The following PCDHGA2 variants were observed in gnomAD, a reference collection of about 807,000 sequenced individuals.
PCDHGA2 encodes protocadherin gamma subfamily A, 2.
A neutral mutation model predicts 59.2 loss-of-function variants in PCDHGA2; 40 were observed. That is an observed-to-expected ratio of 0.68 (90% CI 0.52 to 0.88). The LOEUF (loss-of-function observed/expected upper bound fraction) is 0.88, where lower values mean the gene tolerates loss of function less well. Among genes scored for constraint, PCDHGA2 ranks in the 40% least tolerant of loss-of-function variants. PCDHGA2 has a pLI of 0.00. For synonymous variants in PCDHGA2, 560 were observed against 526.0 expected (o/e 1.06, Z -0.89); for missense variants, 1,226 against 1,204.0 (o/e 1.02, Z -0.27).
intron 1 of PCDHGA2, chr5:141,389,522 G>A: frequency 6.2e-7 from 1 of 1,613,178 alleles, no homozygotes; most frequent in Non-Finnish European, 8.5e-7. Context: ...ACGTGAGCCT[G>A]CGCGTGTTAG....
chr5:141,396,525 C>T (rs2093390810), intron 1 of PCDHGA2: 1 of 151,326 alleles, frequency 6.6e-6, no homozygotes, highest in Non-Finnish European at 1.5e-5. Context: ...GAGGCTGAGG[C>T]AGAAGAATCA....
In PCDHGA2 at chr5:141,486,600, C is replaced by G. The variant is rs748395954; in HGVS notation, c.2425-8207C>G. Reference sequence around the variant, plus strand: ...AATCGCCCAGGGGACCTGCTTTGCTCCCTTGCAGCCTCTGACCCAGACTCT... The same window carrying G: ...AATCGCCCAGGGGACCTGCTTTGCTGCCTTGCAGCCTCTGACCCAGACTCT... On this transcript the variant is annotated intron_variant, in intron 1 of 3. Transcript: ENST00000394576. This position sits in a 1 kb window ranked among gnomAD's most constrained non-coding sequence, Gnocchi z 5.0. 21 of 1,613,602 alleles carry G rather than the reference C, an allele frequency of 1.3e-5. No individual in the cohort carries two copies. Among genetic ancestry groups the G allele is most frequent in the South Asian group, 2.2e-5 (2 of 91,086 alleles).
Position 141,340,493 on chromosome 5 carries a change from A to T in PCDHGA2, c.1522A>T (p.Asn508Tyr). Reference sequence around the variant, plus strand: ...ACCCTTATCCTCTTACATCTCTATCAACTCCGACACTGGAGTACTCTATGC... The same window carrying T: ...ACCCTTATCCTCTTACATCTCTATCTACTCCGACACTGGAGTACTCTATGC... The part of the protein sequence containing the change: ...GAPLSSYISI[N>Y]SDTGVLYALR... Residue 508 changes from asparagine (N) to tyrosine (Y), a missense_variant, in exon 1 of 4, where the codon AAC (asparagine) becomes TAC (tyrosine). Transcript: ENST00000394576. The T allele has an allele frequency of 6.2e-7, 1 of 1,614,098 alleles. No homozygotes were observed. Among genetic ancestry groups the T allele is most frequent in the Non-Finnish European group, 8.5e-7 (1 of 1,180,024 alleles).
At chr5:141,348,735 A>G (rs1486857754) in intron 1 of PCDHGA2, among the ~76,000 whole-genome samples, 1 of 152,224 alleles carries the variant, frequency 6.6e-6, no homozygotes, top group Non-Finnish European at 1.5e-5. Flanking sequence ...GGAGAAGTTC[A>G]TAGTAAAAGG....
Position 141,511,151 on chromosome 5 carries a change from C to T in PCDHGA2, c.2777C>T (p.Ser926Leu), listed in dbSNP as rs202071188. The T allele has an allele frequency of 3.0e-5, 49 of 1,614,152 alleles. No individual in the cohort carries two copies. The highest frequency in any genetic ancestry group is 2.6e-4 in the South Asian group (24 of 91,066). The change falls in exon 4 of 4, where the codon TCG becomes TTG. Residue 926 changes from serine (S) to leucine (L), a missense_variant. Ser to Leu is a moderately radical substitution (Grantham distance 145, BLOSUM62 -2). Coordinates refer to ENST00000394576, the MANE Select transcript of PCDHGA2 (RefSeq NM_018915.4). ...GGTGGCAATGGCAACAAGAAGAAGT[C>T]GGGCAAGAAGGAGAAGAAGTAACAT... ...PAGGNGNKKK[S>L]GKKEKK
At chr5:141,509,319 G>A (rs1427191152) in intron 3 of PCDHGA2, among the ~76,000 whole-genome samples, 3 of 152,216 alleles carry the variant, frequency 2.0e-5, no homozygotes, top group African/African-American at 4.8e-5. Context: ...TGGGAGAGAA[G>A]CTCTACTGCC....
At chr5:141,399,679 T>C (rs757165628) in intron 1 of PCDHGA2, 4 of 1,613,560 alleles carry the variant, frequency 2.5e-6, no homozygotes, top group South Asian at 2.2e-5. Flanking sequence ...CGCCTTTGAC[T>C]ACGAGCAGCT....
intron 1 of PCDHGA2, chr5:141,350,174 T>A: frequency 7.8e-7 from 1 of 1,283,836 alleles, no homozygotes; most frequent in East Asian, 2.6e-5. Context: ...TAATAAGTCC[T>A]AAGCTCAAAT....
chr5:141,369,897 C>G (rs988616109), intron 1 of PCDHGA2, among the ~76,000 whole-genome samples: 1 of 152,098 alleles, frequency 6.6e-6, no homozygotes, highest in Non-Finnish European at 1.5e-5. Context: ...ATTATTATGA[C>G]CATTTTATGA....
At chr5:141,371,362 A>T in intron 1 of PCDHGA2, 3 of 1,614,014 alleles carry the variant, frequency 1.9e-6, no homozygotes, top group Non-Finnish European at 2.5e-6. Flanking sequence ...GAAGCAAAGG[A>T]TGGTGGACAT....
At chr5:141,442,006 G>T (rs540427406) in intron 1 of PCDHGA2, 2 of 229,074 alleles carry the variant, frequency 8.7e-6, no homozygotes, top group South Asian at 4.9e-5. Flanking sequence ...CTGACAGCTC[G>T]CACGATGGGC....
At chr5:141,451,703 A>C (rs975120935) in intron 1 of PCDHGA2, among the ~76,000 whole-genome samples, 2 of 152,144 alleles carry the variant, frequency 1.3e-5, no homozygotes, top group Non-Finnish European at 2.9e-5. Context: ...GTAACATGAC[A>C]AAACCCTGCC....
rs1269660369 is a variant in PCDHGA2 at position 141,408,454 on chromosome 5, A to T, written c.2424+67059A>T. On this transcript the variant is annotated intron_variant, in intron 1 of 3. Transcript: ENST00000394576. ...GCGTAGACGCGGAGAGCGGGGACTT[A>T]CTTGTGAAGAACCGAATAGACCGTG... The T allele has an allele frequency of 4.3e-6, 7 of 1,613,934 alleles. No homozygotes were observed. The African/African-American group carries it at 9.3e-5, about 22-fold the overall frequency.
At chr5:141,421,522 A>G in intron 1 of PCDHGA2, 1 of 1,614,068 alleles carries the variant, frequency 6.2e-7, no homozygotes, top group Non-Finnish European at 8.5e-7. Context: ...GCTCTGTGAG[A>G]CGGTGTCCTC....
intron 1 of PCDHGA2, chr5:141,423,477 C>T (rs376147466): frequency 1.5e-5 from 24 of 1,613,872 alleles, no homozygotes; most frequent in Non-Finnish European, 1.9e-5. Flanking sequence ...TACAGGCTTT[C>T]CTGCAAACCT....
intron 1 of PCDHGA2, chr5:141,403,784 G>C: frequency 1.9e-6 from 3 of 1,613,906 alleles, no homozygotes; most frequent in East Asian, 2.2e-5. Context: ...CGGAAAAGTG[G>C]CATACAAATT....
intron 1 of PCDHGA2, among the ~76,000 whole-genome samples, chr5:141,426,098 A>T (rs144349682): frequency 6.6e-6 from 1 of 152,356 alleles, no homozygotes; most frequent in Non-Finnish European, 1.5e-5. Flanking sequence ...TATTCTGTTC[A>T]GTCACAGAAG....
At chr5:141,400,608 A>G in intron 1 of PCDHGA2, 1 of 1,580,872 alleles carries the variant, frequency 6.3e-7, no homozygotes, top group Admixed American at 1.7e-5. Flanking sequence ...TTTCAAGTCC[A>G]ATGAGTTGTC....
chr5:141,362,349 G>T (rs765171901), intron 1 of PCDHGA2: 1 of 1,613,918 alleles, frequency 6.2e-7, no homozygotes, highest in Non-Finnish European at 8.5e-7. Context: ...CTGGACCTGG[G>T]GTTCTCCCCA....
Sources: gnomAD v4.1 joint callset for allele counts (sites outside exome capture counted in the v4.1 genomes callset) on GRCh38, gnomAD v4.1.1 for gene constraint, Gnocchi (gnomAD v3.1) non-coding constraint, MANE v1.5 for transcripts, NCBI Gene and HGNC (gene_info 2026-07-23, HGNC 2026-07-21) for gene names.